HDAC4: variants seen among roughly 807,000 people sequenced by gnomAD.
The protein encoded by HDAC4 is histone deacetylase 4, also known as histone deacetylase A.
HDAC4 carries 16 observed loss-of-function variants against 135.1 expected under a neutral mutation model. The observed-to-expected ratio is 0.12, with a 90% CI of 0.08 to 0.18. The LOEUF (loss-of-function observed/expected upper bound fraction) is 0.18, where lower values mean the gene tolerates loss of function less well. Among genes scored for constraint, HDAC4 ranks in the 10% least tolerant of loss-of-function variants. The probability of loss-of-function intolerance (pLI) is 1.00; values close to 1 mark genes in which losing one functional copy is unlikely to be tolerated. For synonymous variants in HDAC4, 685 were observed against 653.4 expected (o/e 1.05, Z -0.74); for missense variants, 1,143 against 1,511.8 (o/e 0.76, Z 4.05).
At position 239,303,762 on chromosome 2, in the gene HDAC4, G is replaced by T. The variant is rs560182750; in HGVS notation, c.22+48916C>A. 4.6e-5 allele frequency among the ~76,000 whole-genome samples: 7 copies of T among 152,234 alleles called. No individual in the cohort carries two copies. In the South Asian group the frequency reaches 1.5e-3, roughly 32 times the overall value. ...GCCTCACCCCTCACTCTTCAAAAGC[G>T]ACTGCGACAGCTGCATCCCCCGTGC... On this transcript the variant is annotated intron_variant, in intron 2 of 26. Coordinates refer to ENST00000543185, the MANE Select transcript of HDAC4 (RefSeq NM_001378414.1). This position sits in a 1 kb window ranked among gnomAD's most constrained non-coding sequence, Gnocchi z 5.1.
chr2:239,360,066 G>A (rs1236262420), intron 1 of HDAC4, among the ~76,000 whole-genome samples: 1 of 152,150 alleles, frequency 6.6e-6, no homozygotes, highest in African/African-American at 2.4e-5. Context: ...CGAGTGAACG[G>A]GGTAGCTGGC....
rs1027650788 is a variant in HDAC4, at chr2:239,352,613, A to G, written c.22+65T>C. ...ATCCAGAAAGCAAGCTGCAGTCACA[A>G]GAACTTCTACTTTGGGCAAAGAAAG... On this transcript the variant is annotated intron_variant, in intron 2 of 26. Transcript: ENST00000543185. This position sits in a 1 kb window ranked among gnomAD's most constrained non-coding sequence, Gnocchi z 4.4. 3.4e-6 allele frequency: 5 copies of G among 1,473,998 alleles called. No individual in the cohort carries two copies. The African/African-American group carries it at 4.2e-5, about 12-fold the overall frequency. 91.3% of individuals were successfully genotyped at this position (1,473,998 alleles called of 1,614,324 possible).
chr2:239,076,643 G>A (rs2034795380), intron 22 of HDAC4, among the ~76,000 whole-genome samples: 1 of 152,176 alleles, frequency 6.6e-6, no homozygotes, highest in East Asian at 1.9e-4. Flanking sequence ...TGGGCTCAGG[G>A]CTGGCACGCC....
intron 22 of HDAC4, among the ~76,000 whole-genome samples, chr2:239,077,572 G>A (rs1179396336): frequency 6.6e-6 from 1 of 152,208 alleles, no homozygotes; most frequent in African/African-American, 2.4e-5. Context: ...GCTTCTTTTT[G>A]CTTCTCAGAT....
chr2:239,098,356 G>GCCC (rs2037307304), intron 16 of HDAC4, among the ~76,000 whole-genome samples: 1 of 152,230 alleles, frequency 6.6e-6, no homozygotes, highest in Admixed American at 6.5e-5. Context: ...CAGGCGTTCT[G>GCCC]TGCCTGGGGC....
chr2:239,188,143 C>T (rs1473967234), intron 4 of HDAC4, among the ~76,000 whole-genome samples: 3 of 152,204 alleles, frequency 2.0e-5, no homozygotes, highest in Non-Finnish European at 2.9e-5. Context: ...TCTCCGGGCT[C>T]ACCTTTGAAG....
At chr2:239,348,847 C>T (rs1195270011) in intron 2 of HDAC4, among the ~76,000 whole-genome samples, 1 of 152,234 alleles carries the variant, frequency 6.6e-6, no homozygotes, top group Non-Finnish European at 1.5e-5. Context: ...AAAATCCCAA[C>T]AGTTAAGCAG....
chr2:239,280,557 A>G (rs2050646904), intron 2 of HDAC4, among the ~76,000 whole-genome samples: 1 of 152,180 alleles, frequency 6.6e-6, no homozygotes, highest in Non-Finnish European at 1.5e-5. Context: ...AAGCAACTTA[A>G]AAAGGGTAAG....
chr2:239,158,822 C>A (rs781180312), intron 6 of HDAC4, among the ~76,000 whole-genome samples: 3 of 152,102 alleles, frequency 2.0e-5, no homozygotes, highest in Non-Finnish European at 4.4e-5. Context: ...AGACCGCACA[C>A]GCGTGCCCTC....
At chr2:239,382,562 C>T (rs528315015) in intron 1 of HDAC4, among the ~76,000 whole-genome samples, 1 of 152,192 alleles carries the variant, frequency 6.6e-6, no homozygotes, top group South Asian at 2.1e-4. Flanking sequence ...GAGACTGAAC[C>T]CCGGAGCCAC....
At chr2:239,298,770 A>C in intron 2 of HDAC4, 1 of 237,760 alleles carries the variant, frequency 4.2e-6, no homozygotes, top group Non-Finnish European at 6.8e-6. Context: ...TCATTTAATT[A>C]TCTCTCGGAG....
chr2:239,293,682 C>A (rs908611162), intron 2 of HDAC4, among the ~76,000 whole-genome samples: 1 of 152,196 alleles, frequency 6.6e-6, no homozygotes, highest in Non-Finnish European at 1.5e-5. Context: ...CATCTCTGGG[C>A]TCTCTCCAGC....
In HDAC4 at chr2:239,108,042, G is replaced by A. The variant is rs1406747025; in HGVS notation, c.2112+8C>T. 6.8e-6 allele frequency: 11 copies of A among 1,610,536 alleles called. No individual in the cohort carries two copies. The African/African-American group carries it at 8.0e-5, about 12-fold the overall frequency. Reference sequence around the variant, plus strand: ...CCGCAGCTGCCCACCTGCCCCGGTCGGCGTTACCTCGCATTTGCCCCGGAG... The same window carrying A: ...CCGCAGCTGCCCACCTGCCCCGGTCAGCGTTACCTCGCATTTGCCCCGGAG... On this transcript the variant is annotated splice_region_variant and intron_variant, in intron 15 of 26. Coordinates refer to ENST00000543185, the MANE Select transcript of HDAC4 (RefSeq NM_001378414.1).
At chr2:239,160,270 G>A (rs534427836) in intron 6 of HDAC4, among the ~76,000 whole-genome samples, 22 of 152,192 alleles carry the variant, frequency 1.4e-4, no homozygotes, top group African/African-American at 1.2e-4. Context: ...ATAAGACACC[G>A]TAGGTCCTTT....
chr2:239,322,370 C>T (rs908283173), intron 2 of HDAC4, among the ~76,000 whole-genome samples: 1 of 152,236 alleles, frequency 6.6e-6, no homozygotes, highest in Admixed American at 6.5e-5. Context: ...CCAGTGACTT[C>T]CTTTCTCAAT....
At chr2:239,286,325 C>T (rs985988174) in intron 2 of HDAC4, among the ~76,000 whole-genome samples, 1 of 151,958 alleles carries the variant, frequency 6.6e-6, no homozygotes, top group East Asian at 1.9e-4. Flanking sequence ...GCAATAAATG[C>T]CATGCAAAAA....
At chr2:239,149,083 C>T (rs1047383215) in intron 7 of HDAC4, among the ~76,000 whole-genome samples, 4 of 152,092 alleles carry the variant, frequency 2.6e-5, no homozygotes, top group East Asian at 1.9e-4. Context: ...TGTAAATGTA[C>T]GTTTATTTAC....
At chr2:239,156,545 G>T in intron 7 of HDAC4, 107 bp downstream of exon 7, 1 of 1,347,060 alleles carries the variant, frequency 7.4e-7, no homozygotes, top group Non-Finnish European at 1.1e-6. Flanking sequence ...AAATCTGCAG[G>T]TGATTCCTTC....
chr2:239,344,255 A>G (rs560555000), intron 2 of HDAC4, among the ~76,000 whole-genome samples: 42 of 152,186 alleles, frequency 2.8e-4, no homozygotes, highest in African/African-American at 1.0e-3. Context: ...AATGATTCTC[A>G]CACCGCGTTT....
Sources: allele counts gnomAD v4.1 joint callset (sites outside exome capture counted in the v4.1 genomes callset), GRCh38; gene constraint gnomAD v4.1.1; non-coding constraint Gnocchi (gnomAD v3.1); transcripts MANE v1.5; gene names NCBI Gene and HGNC (gene_info 2026-07-23, HGNC 2026-07-21).